Variants in DNAJC6 observed in about 807,000 individuals in gnomAD.
DNAJC6 encodes the protein DnaJ heat shock protein family (Hsp40) member C6, also known as auxilin.
A neutral mutation model predicts 110.0 loss-of-function variants in DNAJC6; 34 were observed. The observed-to-expected ratio is 0.31, with a 90% CI of 0.24 to 0.41. DNAJC6 has a LOEUF of 0.41. Ranked by LOEUF, DNAJC6 falls within the 10% of genes least tolerant of loss-of-function variation. The pLI is 1.00. For missense variants in DNAJC6, 1,031 were observed against 1,207.8 expected, an observed-to-expected ratio of 0.85 and a Z score of 2.17; for synonymous variants, 406 against 437.2, an observed-to-expected ratio of 0.93 and a Z score of 0.89.
intron 1 of DNAJC6, among the ~76,000 whole-genome samples, chr1:65,311,699 A>G (rs1378429724): frequency 6.6e-6 from 1 of 152,356 alleles, no homozygotes; most frequent in East Asian, 1.9e-4. Context: ...GAGCATGTAA[A>G]CAATTGAAAT....
chr1:65,265,917 C>A (rs1653307213), intron 1 of DNAJC6, among the ~76,000 whole-genome samples: 1 of 152,168 alleles, frequency 6.6e-6, no homozygotes, highest in Non-Finnish European at 1.5e-5. Flanking sequence ...TAGGGTTCGC[C>A]GGCCCCCCTT....
intron 1 of DNAJC6, chr1:65,279,512 A>G (rs1653777976): frequency 6.6e-6 from 1 of 152,214 alleles, no homozygotes; most frequent in Non-Finnish European, 1.5e-5. Context: ...TCAATAAATA[A>G]ATATTAATAT....
intron 13 of DNAJC6, among the ~76,000 whole-genome samples, chr1:65,396,544 A>C (rs1645978744): frequency 6.6e-6 from 1 of 151,918 alleles, no homozygotes; most frequent in African/African-American, 2.4e-5. Context: ...CTGCATGGCT[A>C]AGTCCTTCAC....
intron 1 of DNAJC6, among the ~76,000 whole-genome samples, chr1:65,289,118 A>G (rs1419112970): frequency 5.9e-5 from 9 of 152,194 alleles, no homozygotes. Flanking sequence ...GGTTGTACCA[A>G]GTTTTACTCC....
chr1:65,315,785 A>C (rs1167952787), intron 1 of DNAJC6, among the ~76,000 whole-genome samples: 2 of 152,212 alleles, frequency 1.3e-5, no homozygotes, highest in Non-Finnish European at 2.9e-5. Context: ...CACAGGCTCT[A>C]CTTATTCTAT....
intron 1 of DNAJC6, among the ~76,000 whole-genome samples, chr1:65,351,685 A>G (rs1645491128): frequency 6.6e-6 from 1 of 152,246 alleles, no homozygotes; most frequent in Admixed American, 6.5e-5. Context: ...ACAATAGAAT[A>G]CCACACCATA....
At chr1:65,291,367 TTCA>T (rs1156651531) in intron 1 of DNAJC6, among the ~76,000 whole-genome samples, 1 of 152,240 alleles carries the variant, frequency 6.6e-6, no homozygotes, top group African/African-American at 2.4e-5. Flanking sequence ...TATGTAGATA[TTCA>T]TCATGTGAAA....
intron 1 of DNAJC6, among the ~76,000 whole-genome samples, chr1:65,281,465 C>T (rs1653841551): frequency 1.3e-5 from 2 of 152,130 alleles, no homozygotes; most frequent in African/African-American, 4.8e-5. Flanking sequence ...ATCTATTTGT[C>T]CCTGCGGATT....
intron 4 of DNAJC6, among the ~76,000 whole-genome samples, chr1:65,367,239 G>A (rs1645655294): frequency 6.6e-6 from 1 of 152,280 alleles, no homozygotes; most frequent in African/African-American, 2.4e-5. Flanking sequence ...ATAAGAATCT[G>A]CATTTCTAAC....
In DNAJC6 at chr1:65,392,584, A is replaced by G; in HGVS notation, c.1622A>G (p.Lys541Arg). ...CATGGAGTCAAGAAGCCCAGCAAAA[A>G]GCAGCAGGAGCCAGCAGCCCCTCCA... ...KPHGVKKPSK[K>R]QQEPAAPPPP... is the part of the protein sequence containing the mutation. The change falls in exon 12 of 19, where the codon AAG becomes AGG. Residue 541 changes from lysine (K) to arginine (R), a missense_variant. Transcript: ENST00000371069. The G allele has an allele frequency of 6.2e-7, 1 of 1,614,148 alleles. No individual in the cohort carries two copies. Among genetic ancestry groups the G allele is most frequent in the Non-Finnish European group, 8.5e-7 (1 of 1,180,016 alleles).
intron 1 of DNAJC6, among the ~76,000 whole-genome samples, chr1:65,289,349 C>G (rs764304347): frequency 1.3e-5 from 2 of 152,130 alleles, no homozygotes; most frequent in Non-Finnish European, 2.9e-5. Flanking sequence ...GCGCGTGCCA[C>G]CAAGCCTGGT....
At chr1:65,285,908 T>C (rs1401656414) in intron 1 of DNAJC6, among the ~76,000 whole-genome samples, 1 of 152,066 alleles carries the variant, frequency 6.6e-6, no homozygotes, top group Non-Finnish European at 1.5e-5. Context: ...TGGCCTCGAG[T>C]GATCTGCCCG....
chr1:65,283,225 A>G (rs568535169), intron 1 of DNAJC6, among the ~76,000 whole-genome samples: 2 of 152,318 alleles, frequency 1.3e-5, no homozygotes, highest in East Asian at 3.9e-4. Context: ...AATACATGTA[A>G]CCTTAACTAA....
At chr1:65,410,820 G>GCAAAGAGAAACA (rs1646121492) in intron 17 of DNAJC6, among the ~76,000 whole-genome samples, 1 of 152,212 alleles carries the variant, frequency 6.6e-6, no homozygotes. Flanking sequence ...CTAATGGCAG[G>GCAAAGAGAAACA]CAAAGAGAAA....
At chr1:65,297,479 C>G (rs1304050584) in intron 1 of DNAJC6, among the ~76,000 whole-genome samples, 5 of 152,228 alleles carry the variant, frequency 3.3e-5, no homozygotes, top group Non-Finnish European at 7.3e-5. Context: ...GTAGTCCATA[C>G]ATTTCTCCTA....
intron 1 of DNAJC6, among the ~76,000 whole-genome samples, chr1:65,353,676 G>A (rs902303638): frequency 6.6e-5 from 10 of 151,964 alleles, no homozygotes; most frequent in African/African-American, 2.2e-4. Flanking sequence ...TTTTCATGTT[G>A]TCGATCCTTT....
intron 13 of DNAJC6, 90 bp downstream of exon 13, chr1:65,395,122 C>T (rs1570369150): frequency 2.2e-6 from 3 of 1,345,330 alleles, no homozygotes; most frequent in Non-Finnish European, 2.9e-6. Flanking sequence ...CCTGTGGGTG[C>T]TTTTTTGATA....
At position 65,401,829 on chromosome 1, in the gene DNAJC6, C is replaced by T. The variant is rs1472734691; in HGVS notation, c.2176C>T (p.His726Tyr). 5 of 1,613,808 alleles carry T rather than the reference C, an allele frequency of 3.1e-6. No homozygotes were observed. In the African/African-American group the frequency reaches 5.3e-5, roughly 17 times the overall value. Reference sequence around the variant, plus strand: ...CGGATCCTCGCATGGTACTCCCACCCATCAAAGCAAACCCCAGACTCTGGA... The same window carrying T: ...CGGATCCTCGCATGGTACTCCCACCTATCAAAGCAAACCCCAGACTCTGGA... Reference protein sequence around the residue: ...PTGSSHGTPTHQSKPQTLDPF... With the variant: ...PTGSSHGTPTYQSKPQTLDPF... The change falls in exon 15 of 19, where the codon CAT becomes TAT. Residue 726 changes from histidine to tyrosine, a missense_variant. By Grantham distance (83) the His-to-Tyr change is moderately conservative (BLOSUM62 2). Coordinates refer to ENST00000371069, the MANE Select transcript of DNAJC6 (RefSeq NM_001256864.2).
chr1:65,322,481 T>C (rs189148404), intron 1 of DNAJC6, among the ~76,000 whole-genome samples: 4 of 152,324 alleles, frequency 2.6e-5, no homozygotes, highest in Admixed American at 2.6e-4. Flanking sequence ...CTTTCTATAT[T>C]AGTACCTAAA....
Sources: gnomAD v4.1 joint callset for allele counts (sites outside exome capture counted in the v4.1 genomes callset) on GRCh38, gnomAD v4.1.1 for gene constraint, MANE v1.5 for transcripts, NCBI Gene and HGNC (gene_info 2026-07-23, HGNC 2026-07-21) for gene names.